The following LAMA1 variants were observed in gnomAD, a reference collection of about 807,000 sequenced individuals.
LAMA1 encodes the protein laminin subunit alpha-1.
LAMA1 carries 219 observed loss-of-function variants against 348.7 expected under a neutral mutation model. That is an observed-to-expected ratio of 0.63 (90% CI 0.56 to 0.70). LAMA1 has a LOEUF of 0.70. LAMA1 is among the 30% of genes least tolerant of loss of function. LAMA1 has a pLI of 0.00. For synonymous variants in LAMA1, 1,487 were observed against 1,491.0 expected (o/e 1.00, Z 0.06); for missense variants, 3,744 against 3,888.0 (o/e 0.96, Z 0.99).
chr18:7,022,721 A>G (rs912329636), intron 19 of LAMA1, among the ~76,000 whole-genome samples: 4 of 152,156 alleles, frequency 2.6e-5, no homozygotes, highest in Non-Finnish European at 5.9e-5. Flanking sequence ...GAGGGCTAAG[A>G]TGCACCACAC....
Position 6,947,314 on chromosome 18 carries a change from G to C in LAMA1, c.8711-18C>G. On this transcript the variant is annotated intron_variant, in intron 60 of 62. Transcript: ENST00000389658. ...CTCTTTGACTGTAACACACAAGGAG[G>C]ACCCAAGTCAGGGTGAGCGCTGCCA... 1 of 1,613,138 alleles carries C rather than the reference G, an allele frequency of 6.2e-7. No individual in the cohort carries two copies.
At position 7,045,100 on chromosome 18, in the gene LAMA1, G is replaced by A. The variant is rs111451707; in HGVS notation, c.859-261C>T. On this transcript the variant is annotated intron_variant, in intron 6 of 62. Coordinates refer to ENST00000389658, the MANE Select transcript of LAMA1 (RefSeq NM_005559.4). ...AAAAACTTTTTTTAAAAATATACAT[G>A]GAACTTATTAAGGGTTTAGAAACTC... Among the ~76,000 whole-genome samples, 571 of 152,134 alleles carry A rather than the reference G, an allele frequency of 3.8e-3. 7 individuals carry two copies. Among genetic ancestry groups the A allele is most frequent in the African/African-American group, 0.013 (540 of 41,510 alleles).
rs2058315534 is a variant in LAMA1, at chr18:7,107,172, G to A, written c.61+10488C>T. Among the ~76,000 whole-genome samples the A allele has an allele frequency of 2.8e-5, 4 of 144,508 alleles. No homozygotes were observed. In the South Asian group the frequency reaches 6.5e-4, roughly 23 times the overall value. The allele number at this position is 144,508 out of a possible 152,430, so 94.8% of individuals were successfully genotyped here. Reference sequence around the variant, plus strand: ...CTCACTCTGTCACCCAGGCTGAAGTGCAGTGGCGTGATCCTGGCTCACTGC... The same window carrying A: ...CTCACTCTGTCACCCAGGCTGAAGTACAGTGGCGTGATCCTGGCTCACTGC... On this transcript the variant is annotated intron_variant, in intron 1 of 62. Transcript: ENST00000389658.
Position 7,009,242 on chromosome 18 carries a change from C to T in LAMA1, c.3998G>A (p.Ser1333Asn). Reference protein sequence around the residue: ...KASYGQGLQQSRISDISMEVG... With the variant: ...KASYGQGLQQNRISDISMEVG... Reference sequence around the variant, plus strand: ...AAATTCTAGAAGCTCCAAGTACCTGCTCTGCTGTAATCCTTGACCATACGA... The same window carrying T: ...AAATTCTAGAAGCTCCAAGTACCTGTTCTGCTGTAATCCTTGACCATACGA... Residue 1333 changes from serine (S) to asparagine (N), a missense_variant, in exon 27 of 63, where the codon AGC (serine) becomes AAC (asparagine). Ser to Asn is a conservative substitution (Grantham distance 46, BLOSUM62 1). Coordinates refer to ENST00000389658, the MANE Select transcript of LAMA1 (RefSeq NM_005559.4). The T allele has an allele frequency of 6.2e-7, 1 of 1,614,094 alleles. No individual in the cohort carries two copies. The highest frequency in any genetic ancestry group is 8.5e-7 in the Non-Finnish European group (1 of 1,180,014).
At position 7,034,631 on chromosome 18, in the gene LAMA1, C is replaced by T. The variant is rs1400895210; in HGVS notation, c.1899G>A (p.Glu633=). Residue 633 remains glutamate, a synonymous_variant, in exon 14 of 63, where the codon GAG becomes GAA. Transcript: ENST00000389658. The part of the protein sequence containing the change: ...AEGLSLQPYE[E]YLNVVRLVPE... ...GCACAAGTCTAACCACGTTTAGGTA[C>T]TCTTCATAAGGCTGCAATGACAGAC... is the stretch of plus-strand genomic sequence containing the variant. The T allele has an allele frequency of 8.7e-6, 14 of 1,614,050 alleles. No individual in the cohort carries two copies. The highest frequency in any genetic ancestry group is 1.1e-5 in the Non-Finnish European group (13 of 1,180,048).
intron 56 of LAMA1, 143 bp from the exon 57 acceptor site, chr18:6,955,608 A>G: frequency 1.4e-6 from 1 of 707,420 alleles, no homozygotes; most frequent in East Asian, 2.7e-5. Context: ...CGCTCACTCC[A>G]TCTTCGGTTT....
chr18:6,999,469 T>G lies in LAMA1; in HGVS notation c.4639A>C (p.Ile1547Leu), dbSNP rs748191963. Reference sequence around the variant, plus strand: ...CAAACACAATCTGTTTCCATCAGAATGTGCCTCGGTTCACACTCATCGCAC... The same window carrying G: ...CAAACACAATCTGTTTCCATCAGAAGGTGCCTCGGTTCACACTCATCGCAC... ...LRCDECEPRH[I>L]LMETDCVSCD... The change falls in exon 32 of 63, where the codon ATT becomes CTT. Residue 1547 changes from isoleucine (I) to leucine (L), a missense_variant. Ile to Leu is a conservative substitution (Grantham distance 5, BLOSUM62 2). This residue lies in a region of LAMA1 where 1,983 missense variants were observed against 1,934.3 expected (regional missense o/e 1.03). Coordinates refer to ENST00000389658, the MANE Select transcript of LAMA1 (RefSeq NM_005559.4). 3 of 1,614,226 alleles carry G rather than the reference T, an allele frequency of 1.9e-6. No individual in the cohort carries two copies. The highest frequency in any genetic ancestry group is 2.2e-5 in the South Asian group (2 of 91,086).
chr18:7,072,144 G>A (rs1414294318), intron 3 of LAMA1, among the ~76,000 whole-genome samples: 1 of 152,050 alleles, frequency 6.6e-6, no homozygotes, highest in Non-Finnish European at 1.5e-5. Context: ...AATAATTATT[G>A]ACTTATGAAT....
chr18:7,026,233 A>G, intron 16 of LAMA1, 127 bp from the exon 17 acceptor site: 1 of 1,114,044 alleles, frequency 9.0e-7, no homozygotes, highest in Middle Eastern at 2.0e-4. Context: ...CCAACCTCTG[A>G]GCTATATGAG....
intron 3 of LAMA1, among the ~76,000 whole-genome samples, chr18:7,068,873 AC>A (rs1424383807): frequency 6.6e-6 from 1 of 152,020 alleles, no homozygotes; most frequent in Non-Finnish European, 1.5e-5. Context: ...ATTAAAACTT[AC>A]CCCTTTTTTT....
At chr18:7,107,102 T>C (rs1216742825) in intron 1 of LAMA1, among the ~76,000 whole-genome samples, 1 of 149,262 alleles carries the variant, frequency 6.7e-6, no homozygotes, top group Non-Finnish European at 1.5e-5. Context: ...TTGATCATCA[T>C]TTCTTATGGA....
chr18:7,002,339 G>C lies in LAMA1; in HGVS notation c.4307C>G (p.Ser1436Cys). ...GCCAGTCACCTTCCCGTAGTAGCCA[G>C]AAGTACACACATCACAATGGTCACC... is the stretch of plus-strand genomic sequence containing the variant. The part of the protein sequence containing the change: ...TAGDHCDVCT[S>C]GYYGKVTGSA... Residue 1436 changes from serine to cysteine, a missense_variant, in exon 30 of 63, where the codon TCT becomes TGT. Transcript: ENST00000389658. 6.2e-7 allele frequency: 1 copy of C among 1,613,800 alleles called. No homozygotes were observed. The highest frequency in any genetic ancestry group is 8.5e-7 in the Non-Finnish European group (1 of 1,180,024).
chr18:7,058,475 A>G (rs1262969633), intron 3 of LAMA1, among the ~76,000 whole-genome samples: 1 of 152,228 alleles, frequency 6.6e-6, no homozygotes, highest in African/African-American at 2.4e-5. Context: ...CGCAAAAGTC[A>G]TACATTGAAG....
chr18:6,965,931 C>G, intron 49 of LAMA1: 1 of 566,262 alleles, frequency 1.8e-6, no homozygotes, highest in Non-Finnish European at 3.1e-6. Context: ...TGGTGTTCTT[C>G]TATATTTTTC....
At chr18:7,048,551 T>C (rs1455726244) in intron 5 of LAMA1, among the ~76,000 whole-genome samples, 1 of 152,186 alleles carries the variant, frequency 6.6e-6, no homozygotes, top group East Asian at 1.9e-4. Context: ...AACACCCAGC[T>C]GAATACAACT....
chr18:7,047,565 A>AT (rs986129352), intron 5 of LAMA1, among the ~76,000 whole-genome samples: 11 of 151,790 alleles, frequency 7.2e-5, no homozygotes, highest in East Asian at 1.9e-4. Context: ...AGCAGGCTTT[A>AT]TTTTTTTTGC....
chr18:6,942,394 A>G (rs1182770333), intron 62 of LAMA1, among the ~76,000 whole-genome samples, 155 bp from the exon 63 acceptor site: 12 of 152,094 alleles, frequency 7.9e-5, no homozygotes, highest in Non-Finnish European at 1.8e-4. Context: ...ATGTGGTGTC[A>G]GTGACTAGCA....
At chr18:7,111,329 T>C (rs755183232) in intron 1 of LAMA1, among the ~76,000 whole-genome samples, 19 of 152,216 alleles carry the variant, frequency 1.2e-4, no homozygotes, top group Non-Finnish European at 2.1e-4. Flanking sequence ...TAGGCAAGAA[T>C]GTTATCTACC....
chr18:7,051,659 T>TA (rs1423323879), intron 3 of LAMA1, among the ~76,000 whole-genome samples: 1 of 152,208 alleles, frequency 6.6e-6, no homozygotes. Context: ...GTTACATTAA[T>TA]AGTAGTGTTA....
Sources: allele counts gnomAD v4.1 joint callset (sites outside exome capture counted in the v4.1 genomes callset), GRCh38; gene constraint gnomAD v4.1.1; regional missense constraint gnomAD v4.1.1; transcripts MANE v1.5; gene names NCBI Gene and HGNC (gene_info 2026-07-23, HGNC 2026-07-21).